ABCC12: variants seen among roughly 807,000 people sequenced by gnomAD.
ABCC12 encodes ATP-binding cassette sub-family C member 12.
A neutral mutation model predicts 151.1 loss-of-function variants in ABCC12; 142 were observed. The ratio of observed to expected loss-of-function variants is 0.94; its 90% confidence interval spans 0.82 to 1.08. The LOEUF (loss-of-function observed/expected upper bound fraction) is 1.08, where lower values mean the gene tolerates loss of function less well. Among genes scored for constraint, ABCC12 ranks in the 50% least tolerant of loss-of-function variants. The pLI is 0.00. For missense variants in ABCC12, 1,638 were observed against 1,691.1 expected (o/e 0.97, Z 0.55); for synonymous variants, 645 against 646.4 (o/e 1.00, Z 0.03).
In ABCC12 at chr16:48,141,247, C is replaced by T. The variant is rs776128503; in HGVS notation, c.382G>A (p.Val128Met). ...FQRTRVLMDI[V>M]ANILCIIMAA... ...ATGATGATGCACAGGATGTTGGCCA[C>T]GATGTCCATCAACACGCGTGTCCTC... is the stretch of plus-strand genomic sequence containing the variant. The change falls in exon 5 of 31, where the codon GTG becomes ATG. Residue 128 changes from valine (V) to methionine (M), a missense_variant. Transcript: ENST00000311303. The T allele has an allele frequency of 1.4e-5, 23 of 1,614,198 alleles. No homozygotes were observed. The highest frequency in any genetic ancestry group is 1.6e-4 in the Middle Eastern group (1 of 6,062).
rs148773008 is a variant in ABCC12 at position 48,137,453 on chromosome 16, A to G, written c.979+775T>C. Among the ~76,000 whole-genome samples, 19 of 152,290 alleles carry G rather than the reference A, an allele frequency of 1.2e-4. No individual in the cohort carries two copies. The East Asian group carries it at 3.7e-3, about 29-fold the overall frequency. On this transcript the variant is annotated intron_variant, in intron 8 of 30. Coordinates refer to ENST00000311303, the MANE Select transcript of ABCC12 (RefSeq NM_001393797.1). ...ACTGAAGTGAACTCAGAGTGTGAGGATGTGTTTCTGGGTTTTCAAAGAGGG... is the reference window on the plus strand; with the variant it reads ...ACTGAAGTGAACTCAGAGTGTGAGGGTGTGTTTCTGGGTTTTCAAAGAGGG...
At chr16:48,119,494 G>T (rs1597314978) in intron 13 of ABCC12, among the ~76,000 whole-genome samples, 2 of 152,340 alleles carry the variant, frequency 1.3e-5, no homozygotes, top group East Asian at 1.9e-4. Flanking sequence ...ATTCCAGGTG[G>T]GTGGCACAGG....
intron 15 of ABCC12, 137 bp from the exon 16 acceptor site, chr16:48,112,047 G>A (rs1963714228): frequency 2.6e-6 from 3 of 1,133,064 alleles, no homozygotes; most frequent in Admixed American, 2.8e-5. Context: ...CCTGTGCATT[G>A]TAGGATATTT....
At chr16:48,104,081 C>T in intron 22 of ABCC12, 61 bp downstream of exon 22, 2 of 1,531,984 alleles carry the variant, frequency 1.3e-6, no homozygotes, top group Non-Finnish European at 1.8e-6. Context: ...CTCAATATCA[C>T]CTGATACCCA....
intron 13 of ABCC12, among the ~76,000 whole-genome samples, chr16:48,117,678 A>G (rs1963933770): frequency 6.6e-6 from 1 of 152,080 alleles, no homozygotes; most frequent in Admixed American, 6.5e-5. Context: ...AGGAGGGGTC[A>G]CCCTTGGGGG....
At position 48,081,009 on chromosome 16, in the gene ABCC12, C is replaced by T. The variant is rs762771731; in HGVS notation, c.*2706G>A. On this transcript the variant is annotated 3_prime_UTR_variant, in exon 31 of 31. Transcript: ENST00000311303. ...ACAGATGATGCCTTCTATGTGTCCT[C>T]ACATGGAGGAAGGGGTGAACAAGCT... Among the ~76,000 whole-genome samples, 2 of 152,176 alleles carry T rather than the reference C, an allele frequency of 1.3e-5. No homozygotes were observed. Among genetic ancestry groups the T allele is most frequent in the Non-Finnish European group, 2.9e-5 (2 of 68,040 alleles).
chr16:48,103,200 C>T (rs1963366110), intron 22 of ABCC12, among the ~76,000 whole-genome samples: 1 of 152,118 alleles, frequency 6.6e-6, no homozygotes, highest in Non-Finnish European at 1.5e-5. Context: ...TCTACAATAA[C>T]TAACCCACTG....
At chr16:48,152,425 G>A (rs1036623204) in intron 2 of ABCC12, among the ~76,000 whole-genome samples, 1 of 152,154 alleles carries the variant, frequency 6.6e-6, no homozygotes, top group Non-Finnish European at 1.5e-5. Flanking sequence ...GCAACTGCCG[G>A]GCACAGCGGA....
intron 11 of ABCC12, among the ~76,000 whole-genome samples, chr16:48,125,455 A>G (rs956154745): frequency 6.6e-6 from 1 of 152,166 alleles, no homozygotes; most frequent in Admixed American, 6.5e-5. Flanking sequence ...GCCAGGAAAC[A>G]CTTAGAGGTC....
At chr16:48,133,308 G>A (rs1345098676) in intron 9 of ABCC12, among the ~76,000 whole-genome samples, 1 of 152,108 alleles carries the variant, frequency 6.6e-6, no homozygotes. Context: ...GACTACCTGA[G>A]GTCGGGAGTT....
rs1252565214 is a variant in ABCC12, at chr16:48,083,184, A to AT, written c.*530dup. ...AACATATAATATGATTTTTAAAAAA[A>AT]TTTTTGGCCAAACACTGTATTCAGT... On this transcript the variant is annotated 3_prime_UTR_variant, in exon 31 of 31. Coordinates refer to ENST00000311303, the MANE Select transcript of ABCC12 (RefSeq NM_001393797.1). The AT allele has an allele frequency of 1.3e-5, 2 of 152,362 alleles. No individual in the cohort carries two copies. The highest frequency in any genetic ancestry group is 1.3e-4 in the Admixed American group (2 of 15,286). The allele number at this position is 152,362 out of a possible 1,614,324, so 9.4% of individuals were successfully genotyped here.
intron 15 of ABCC12, among the ~76,000 whole-genome samples, chr16:48,114,915 C>T (rs903755582): frequency 1.3e-4 from 20 of 152,220 alleles, no homozygotes; most frequent in African/African-American, 4.6e-4. Flanking sequence ...CCCAAAGCCT[C>T]AGCCTTAGTC....
intron 27 of ABCC12, 113 bp from the exon 28 acceptor site, chr16:48,086,932 C>T: frequency 4.6e-6 from 4 of 865,284 alleles, no homozygotes; most frequent in South Asian, 4.1e-5. Context: ...CATGTGATGA[C>T]CTCGTGCTCC....
At chr16:48,114,623 C>T (rs532650377) in intron 15 of ABCC12, among the ~76,000 whole-genome samples, 1 of 152,192 alleles carries the variant, frequency 6.6e-6, no homozygotes, top group Non-Finnish European at 1.5e-5. Context: ...TGAACACACA[C>T]GTGCACACAC....
chr16:48,084,170 T>G, intron 29 of ABCC12, 97 bp from the exon 30 acceptor site: 1 of 1,262,918 alleles, frequency 7.9e-7, no homozygotes, highest in Non-Finnish European at 1.1e-6. Context: ...AGAAGAAAAA[T>G]AAGACCACAA....
At chr16:48,146,521 A>G (rs1217064431) in intron 2 of ABCC12, 47 bp from the exon 3 acceptor site, 41 of 988,998 alleles carry the variant, frequency 4.1e-5, no homozygotes, top group Middle Eastern at 2.1e-4. Context: ...AGGATGTCTG[A>G]TTGGGATCAG....
chr16:48,089,193 G>A (rs1962771944), intron 25 of ABCC12, among the ~76,000 whole-genome samples: 1 of 152,198 alleles, frequency 6.6e-6, no homozygotes, highest in African/African-American at 2.4e-5. Flanking sequence ...CATGTGGCTG[G>A]AGCTTAGCGA....
intron 2 of ABCC12, among the ~76,000 whole-genome samples, chr16:48,150,403 T>C (rs1965101288): frequency 6.6e-6 from 1 of 152,204 alleles, no homozygotes; most frequent in Non-Finnish European, 1.5e-5. Flanking sequence ...CATATTACTA[T>C]TCAACAGTAA....
chr16:48,085,737 C>T (rs377343008), intron 28 of ABCC12, 31 bp from the exon 29 acceptor site: 3 of 1,544,174 alleles, frequency 1.9e-6, no homozygotes, highest in African/African-American at 1.4e-5. Flanking sequence ...CACATTTGTG[C>T]TGATGATCTA....
Sources: gnomAD v4.1 joint callset for allele counts (sites outside exome capture counted in the v4.1 genomes callset) on GRCh38, gnomAD v4.1.1 for gene constraint, MANE v1.5 for transcripts, NCBI Gene and HGNC (gene_info 2026-07-23, HGNC 2026-07-21) for gene names.